The following CAMK2D variants were observed in gnomAD, a reference collection of about 807,000 sequenced individuals.
CAMK2D encodes calcium/calmodulin dependent protein kinase II delta, also known as calcium/calmodulin-dependent protein kinase type II subunit delta.
Under a neutral mutation model 84.0 loss-of-function variants are expected in CAMK2D, and 37 were observed. That is an observed-to-expected ratio of 0.44 (90% CI 0.34 to 0.58). The LOEUF (loss-of-function observed/expected upper bound fraction) is 0.58. Ranked by LOEUF, CAMK2D falls within the 20% of genes least tolerant of loss-of-function variation. The pLI, the probability that CAMK2D is intolerant of heterozygous loss-of-function variation, is 0.02. For synonymous variants in CAMK2D, 202 were observed against 212.5 expected, an observed-to-expected ratio of 0.95 and a Z score of 0.43; for missense variants, 448 against 652.5, an observed-to-expected ratio of 0.69 and a Z score of 3.41.
chr4:113,602,786 C>A (rs191726191), intron 4 of CAMK2D, among the ~76,000 whole-genome samples: 1 of 152,200 alleles, frequency 6.6e-6, no homozygotes, highest in South Asian at 2.1e-4. Flanking sequence ...GTTTAATAAA[C>A]GTCTGTTTGT....
chr4:113,673,225 T>C (rs2099300623), intron 2 of CAMK2D, among the ~76,000 whole-genome samples: 1 of 152,190 alleles, frequency 6.6e-6, no homozygotes, highest in East Asian at 1.9e-4. Context: ...AAAATGCATC[T>C]CCTGGAGTTA....
intron 3 of CAMK2D, among the ~76,000 whole-genome samples, chr4:113,613,432 C>CA (rs376670337): frequency 5.3e-5 from 8 of 150,940 alleles, no homozygotes; most frequent in African/African-American, 1.2e-4. Context: ...AAATAATATT[C>CA]AAAAAAAATT....
At chr4:113,556,886 C>A (rs550556750) in intron 4 of CAMK2D, among the ~76,000 whole-genome samples, 1 of 152,236 alleles carries the variant, frequency 6.6e-6, no homozygotes, top group South Asian at 2.1e-4. Context: ...TTACACAATG[C>A]CTGGCTCACA....
intron 4 of CAMK2D, among the ~76,000 whole-genome samples, chr4:113,553,074 T>C (rs533257817): frequency 1.3e-5 from 2 of 152,334 alleles, no homozygotes; most frequent in East Asian, 1.9e-4. Context: ...GGTTTAACCT[T>C]GTAAGAGCTA....
intron 2 of CAMK2D, among the ~76,000 whole-genome samples, chr4:113,676,083 G>A (rs969722941): frequency 2.6e-5 from 4 of 151,966 alleles, no homozygotes; most frequent in African/African-American, 9.7e-5. Flanking sequence ...ATGTTTACTG[G>A]GCACACTAAG....
intron 20 of CAMK2D, among the ~76,000 whole-genome samples, chr4:113,454,888 T>A (rs970778191): frequency 1.3e-5 from 2 of 152,184 alleles, no homozygotes; most frequent in African/African-American, 4.8e-5. Context: ...AAAATTCAAG[T>A]TCATCCTTAG....
intron 4 of CAMK2D, among the ~76,000 whole-genome samples, chr4:113,557,755 T>G (rs1460129774): frequency 1.3e-5 from 2 of 152,176 alleles, no homozygotes; most frequent in Non-Finnish European, 2.9e-5. Context: ...TTTGCACCAG[T>G]CCTACCCTTA....
intron 16 of CAMK2D, among the ~76,000 whole-genome samples, chr4:113,489,045 G>A (rs985057255): frequency 1.3e-5 from 2 of 152,142 alleles, no homozygotes; most frequent in Admixed American, 1.3e-4. Flanking sequence ...TACATTAGTG[G>A]TGGAATAGAA....
At chr4:113,585,893 T>C (rs2098832126) in intron 4 of CAMK2D, among the ~76,000 whole-genome samples, 1 of 152,208 alleles carries the variant, frequency 6.6e-6, no homozygotes, top group Non-Finnish European at 1.5e-5. Flanking sequence ...AGAGCTTTAA[T>C]TGGCATGTAT....
intron 2 of CAMK2D, among the ~76,000 whole-genome samples, chr4:113,728,372 T>C (rs2099552430): frequency 1.3e-5 from 2 of 152,174 alleles, no homozygotes; most frequent in South Asian, 2.1e-4. Flanking sequence ...ATTATGATTG[T>C]TCTATTCCAT....
intron 2 of CAMK2D, among the ~76,000 whole-genome samples, chr4:113,709,758 T>C (rs1405778282): frequency 9.0e-6 from 1 of 111,372 alleles, no homozygotes; most frequent in East Asian, 2.3e-4. Context: ...TATATATATA[T>C]ATATATATAT....
chr4:113,721,164 A>C (rs2099529462), intron 2 of CAMK2D, among the ~76,000 whole-genome samples: 1 of 152,146 alleles, frequency 6.6e-6, no homozygotes, highest in Non-Finnish European at 1.5e-5. Context: ...CATTAGAGAT[A>C]ATCATCTGCG....
chr4:113,645,335 G>A (rs2099147600), intron 3 of CAMK2D, among the ~76,000 whole-genome samples: 1 of 152,108 alleles, frequency 6.6e-6, no homozygotes, highest in Non-Finnish European at 1.5e-5. Context: ...TTTACATCTT[G>A]AGATGGATTA....
chr4:113,737,133 C>T (rs1388875181), intron 2 of CAMK2D, among the ~76,000 whole-genome samples: 1 of 152,146 alleles, frequency 6.6e-6, no homozygotes, highest in East Asian at 1.9e-4. Context: ...TACTTTCTTT[C>T]TTTTCATTTC....
intron 3 of CAMK2D, among the ~76,000 whole-genome samples, chr4:113,611,598 C>T (rs571486443): frequency 6.6e-6 from 1 of 152,276 alleles, no homozygotes; most frequent in African/African-American, 2.4e-5. Context: ...TCAGGTACAA[C>T]TGGAGAAGTA....
intron 3 of CAMK2D, among the ~76,000 whole-genome samples, chr4:113,642,843 T>G (rs1438182820): frequency 1.3e-5 from 2 of 152,050 alleles, no homozygotes; most frequent in Non-Finnish European, 2.9e-5. Context: ...AGGCCCCCTC[T>G]CATACAGTTT....
chr4:113,575,027 G>A (rs952053752), intron 4 of CAMK2D, among the ~76,000 whole-genome samples: 1 of 152,160 alleles, frequency 6.6e-6, no homozygotes, highest in Non-Finnish European at 1.5e-5. Context: ...AGTTTTAACA[G>A]CCAATTAGGC....
At chr4:113,714,129 T>G (rs910930496) in intron 2 of CAMK2D, among the ~76,000 whole-genome samples, 3 of 152,110 alleles carry the variant, frequency 2.0e-5, no homozygotes, top group African/African-American at 4.8e-5. Context: ...TCTTTTTCCC[T>G]GTGGATAAAC....
At chr4:113,662,489 T>C (rs867732032) in intron 2 of CAMK2D, among the ~76,000 whole-genome samples, 1 of 152,106 alleles carries the variant, frequency 6.6e-6, no homozygotes, top group African/African-American at 2.4e-5. Flanking sequence ...AAATAAATCA[T>C]AGAGAGAAGA....
Sources: allele counts gnomAD v4.1 joint callset (sites outside exome capture counted in the v4.1 genomes callset), GRCh38; gene constraint gnomAD v4.1.1; transcripts MANE v1.5; gene names NCBI Gene and HGNC (gene_info 2026-07-23, HGNC 2026-07-21).